Variants in CAB39L observed in about 807,000 individuals in gnomAD.
The protein encoded by CAB39L is calcium-binding protein 39-like.
A neutral mutation model predicts 39.1 loss-of-function variants in CAB39L; 23 were observed. That is an observed-to-expected ratio of 0.59 (90% CI 0.42 to 0.83). The LOEUF is 0.83. Ranked by LOEUF, CAB39L falls within the 40% of genes least tolerant of loss-of-function variation. The pLI is 0.00. For missense variants in CAB39L, 366 were observed against 391.9 expected (o/e 0.93, Z 0.56); for synonymous variants, 126 against 137.2 (o/e 0.92, Z 0.57).
intron 5 of CAB39L, among the ~76,000 whole-genome samples, chr13:49,367,659 G>A (rs1278322845): frequency 1.3e-5 from 2 of 152,198 alleles, no homozygotes; most frequent in African/African-American, 2.4e-5. Flanking sequence ...GCTCATGCCT[G>A]TAATTCTAGC....
Position 49,378,144 on chromosome 13 carries a change from C to A in CAB39L, c.112-1013G>T. ...ACCACCCCGTCTGAGAAGTGAGGAGCCCCTCCGCCCGGCAGCCGCCCCGTC... is the reference window on the plus strand; with the variant it reads ...ACCACCCCGTCTGAGAAGTGAGGAGACCCTCCGCCCGGCAGCCGCCCCGTC... On this transcript the variant is annotated intron_variant, in intron 4 of 10. Coordinates refer to ENST00000409308, the MANE Select transcript of CAB39L (RefSeq NM_001079670.3). 2.6e-5 allele frequency among the ~76,000 whole-genome samples: 2 copies of A among 76,522 alleles called. 1 individual carries two copies. The highest frequency in any genetic ancestry group is 5.2e-5 in the Non-Finnish European group (2 of 38,504). 50.2% of individuals were successfully genotyped at this position (76,522 alleles called of 152,430 possible).
intron 5 of CAB39L, among the ~76,000 whole-genome samples, chr13:49,360,056 G>C (rs904913731): frequency 2.6e-5 from 4 of 152,032 alleles, no homozygotes; most frequent in African/African-American, 9.7e-5. Flanking sequence ...TGTGTGCTGG[G>C]GGAAATTTGA....
At chr13:49,340,045 T>C (rs1037283893) in intron 8 of CAB39L, among the ~76,000 whole-genome samples, 1 of 152,264 alleles carries the variant, frequency 6.6e-6, no homozygotes, top group African/African-American at 2.4e-5. Context: ...TTTAAAGAAA[T>C]CTTTATGTAA....
chr13:49,425,133 T>C (rs114239917), intron 3 of CAB39L, among the ~76,000 whole-genome samples: 11 of 149,502 alleles, frequency 7.4e-5, no homozygotes, highest in African/African-American at 2.6e-4. Flanking sequence ...TATTTCACAA[T>C]GCACATGGTA....
chr13:49,321,902 C>T (rs1375600821), intron 10 of CAB39L, among the ~76,000 whole-genome samples: 1 of 152,140 alleles, frequency 6.6e-6, no homozygotes, highest in East Asian at 1.9e-4. Flanking sequence ...ACAATTCAAG[C>T]CTGTAGGCAG....
chr13:49,396,662 C>T (rs1331067408), intron 3 of CAB39L, among the ~76,000 whole-genome samples: 4 of 151,516 alleles, frequency 2.6e-5, no homozygotes, highest in South Asian at 2.1e-4. Flanking sequence ...GAGCCAAGAT[C>T]GCACCACTGC....
chr13:49,398,712 T>C (rs1479792523), intron 3 of CAB39L, among the ~76,000 whole-genome samples: 1 of 152,110 alleles, frequency 6.6e-6, no homozygotes, highest in East Asian at 1.9e-4. Flanking sequence ...TTAAATTTCA[T>C]ATACTGGCAA....
chr13:49,440,870 A>G (rs1314696201), intron 1 of CAB39L, among the ~76,000 whole-genome samples: 1 of 151,874 alleles, frequency 6.6e-6, no homozygotes, highest in African/African-American at 2.4e-5. Flanking sequence ...AACTTACTGA[A>G]GTTATCAGTT....
rs554319180 is a variant in CAB39L at position 49,355,360 on chromosome 13, C to T, written c.395+4354G>A. Among the ~76,000 whole-genome samples the T allele has an allele frequency of 2.3e-4, 35 of 152,096 alleles. 1 individual carries two copies. The South Asian group carries it at 7.3e-3, about 32-fold the overall frequency. On this transcript the variant is annotated intron_variant, in intron 6 of 10. Transcript: ENST00000409308. ...TCACAGCACTACCTTCTAGTATGGG[C>T]AACAAAGCAAGACCCTGTCTCGATA...
chr13:49,428,433 T>C (rs981010753), intron 3 of CAB39L, among the ~76,000 whole-genome samples: 7 of 152,228 alleles, frequency 4.6e-5, no homozygotes, highest in Admixed American at 4.6e-4. Context: ...ATCTTAAAAT[T>C]AACATTCTGC....
intron 10 of CAB39L, 33 bp downstream of exon 10, chr13:49,331,914 T>C: frequency 6.2e-7 from 1 of 1,608,410 alleles, no homozygotes; most frequent in Non-Finnish European, 8.5e-7. Flanking sequence ...AAAAATTGCC[T>C]ACAACATTGT....
chr13:49,328,027 T>C (rs75307203), intron 10 of CAB39L, among the ~76,000 whole-genome samples: 1 of 152,360 alleles, frequency 6.6e-6, no homozygotes, highest in East Asian at 1.9e-4. Flanking sequence ...CATGGTTTTG[T>C]TTAAAGTCTG....
intron 3 of CAB39L, among the ~76,000 whole-genome samples, chr13:49,402,359 C>G (rs773917640): frequency 4.6e-5 from 7 of 152,084 alleles, no homozygotes; most frequent in Admixed American, 6.6e-5. Flanking sequence ...GTTTAGATGG[C>G]ATTTGTAGGA....
At chr13:49,423,579 T>TA (rs1393735412) in intron 3 of CAB39L, among the ~76,000 whole-genome samples, 2 of 152,164 alleles carry the variant, frequency 1.3e-5, no homozygotes, top group South Asian at 2.1e-4. Context: ...AATCATTTTT[T>TA]AAAAAAAGAG....
At chr13:49,371,987 G>C (rs1206011125) in intron 5 of CAB39L, among the ~76,000 whole-genome samples, 1 of 152,066 alleles carries the variant, frequency 6.6e-6, no homozygotes, top group Admixed American at 6.5e-5. Context: ...TGCTTATTCA[G>C]CCTGAACAGT....
chr13:49,371,918 C>T (rs575602186), intron 5 of CAB39L, among the ~76,000 whole-genome samples: 12 of 151,982 alleles, frequency 7.9e-5, no homozygotes, highest in South Asian at 4.2e-4. Context: ...TTTAATGTAG[C>T]GAGAAATAAT....
At chr13:49,313,285 TC>T (rs1305648228) in intron 10 of CAB39L, among the ~76,000 whole-genome samples, 1 of 151,948 alleles carries the variant, frequency 6.6e-6, no homozygotes, top group African/African-American at 2.4e-5. Context: ...ATCGAGACCA[TC>T]CTGGCTAACA....
intron 3 of CAB39L, among the ~76,000 whole-genome samples, chr13:49,408,613 C>G (rs766387258): frequency 6.6e-6 from 1 of 152,092 alleles, no homozygotes; most frequent in Non-Finnish European, 1.5e-5. Context: ...CACTTAAGCC[C>G]AGAAGTTCAA....
At position 49,377,102 on chromosome 13, in the gene CAB39L, T is replaced by G. The variant is rs1956090284; in HGVS notation, c.141A>C (p.Gln47His). ...TACCACACAGAATTTCTTTCATTGC[T>G]TGCAGTGATTTAGACACTTCTTCTG... ...KASEEVSKSLQAMKEILCGTN... is the reference protein window; with the variant it reads ...KASEEVSKSLHAMKEILCGTN... Residue 47 changes from glutamine (Q) to histidine (H), a missense_variant, in exon 5 of 11, where the codon CAA becomes CAC. By Grantham distance (24) the Gln-to-His change is conservative. Transcript: ENST00000409308. 1.9e-6 allele frequency: 3 copies of G among 1,613,482 alleles called. No individual in the cohort carries two copies. The highest frequency in any genetic ancestry group is 2.5e-6 in the Non-Finnish European group (3 of 1,179,506).
Sources: allele counts gnomAD v4.1 joint callset (sites outside exome capture counted in the v4.1 genomes callset), GRCh38; gene constraint gnomAD v4.1.1; transcripts MANE v1.5; gene names NCBI Gene and HGNC (gene_info 2026-07-23, HGNC 2026-07-21).